Variants in AGMO observed in about 807,000 individuals in gnomAD.
AGMO encodes glyceryl-ether monooxygenase.
AGMO carries 75 observed loss-of-function variants against 60.2 expected under a neutral mutation model. The observed-to-expected ratio is 1.25, with a 90% CI of 1.03 to 1.51. AGMO has a LOEUF of 1.51. Among genes scored for constraint, AGMO ranks in the 40% most tolerant of loss-of-function variants. AGMO has a pLI of 0.00. For synonymous variants in AGMO, 261 were observed against 177.1 expected, an observed-to-expected ratio of 1.47 and a Z score of -3.76; for missense variants, 763 against 525.5, an observed-to-expected ratio of 1.45 and a Z score of -4.42.
chr7:15,551,988 C>T lies in AGMO; in HGVS notation c.258-7065G>A, dbSNP rs542059848. Among the ~76,000 whole-genome samples, 35 of 151,944 alleles carry T rather than the reference C, an allele frequency of 2.3e-4. No homozygotes were observed. In the East Asian group the frequency reaches 6.8e-3, roughly 29 times the overall value. On this transcript the variant is annotated intron_variant, in intron 2 of 12. Transcript: ENST00000342526. Reference sequence around the variant, plus strand: ...AAAACAGAGATATAGATCAATGGAACAGAACAGAGCCCTCAGAAATAATGC... The same window carrying T: ...AAAACAGAGATATAGATCAATGGAATAGAACAGAGCCCTCAGAAATAATGC...
intron 12 of AGMO, among the ~76,000 whole-genome samples, chr7:15,287,666 G>C (rs1784137108): frequency 6.6e-6 from 1 of 152,092 alleles, no homozygotes; most frequent in Non-Finnish European, 1.5e-5. Flanking sequence ...TTGTCAATAT[G>C]TACATATTTA....
chr7:15,379,133 A>T (rs769204386), intron 10 of AGMO, among the ~76,000 whole-genome samples: 1 of 152,102 alleles, frequency 6.6e-6, no homozygotes, highest in Non-Finnish European at 1.5e-5. Flanking sequence ...GTTAAGAGAG[A>T]AATTTATAGC....
At chr7:15,532,212 T>A (rs886523303) in intron 3 of AGMO, among the ~76,000 whole-genome samples, 1 of 152,180 alleles carries the variant, frequency 6.6e-6, no homozygotes, top group Non-Finnish European at 1.5e-5. Context: ...AAATAGTTGG[T>A]GATTTATATA....
At chr7:15,274,725 C>T (rs62450280) in intron 12 of AGMO, among the ~76,000 whole-genome samples, 10,071 of 149,716 alleles carry the variant, frequency 0.067, 511 homozygotes, top group South Asian at 0.19. Flanking sequence ...TTTTTCATTA[C>T]TGATTCAGTT....
intron 5 of AGMO, among the ~76,000 whole-genome samples, chr7:15,409,460 G>C (rs1225709042): frequency 1.8e-4 from 27 of 151,886 alleles, no homozygotes; most frequent in Non-Finnish European, 4.4e-5. Flanking sequence ...ATAAATCATA[G>C]AATATCAACG....
intron 3 of AGMO, among the ~76,000 whole-genome samples, chr7:15,497,732 T>C (rs994697954): frequency 1.3e-5 from 2 of 152,078 alleles, no homozygotes; most frequent in South Asian, 4.1e-4. Flanking sequence ...TTAATGACTA[T>C]ATATTTCCTC....
chr7:15,504,663 G>C (rs570033969), intron 3 of AGMO, among the ~76,000 whole-genome samples: 3 of 151,434 alleles, frequency 2.0e-5, no homozygotes, highest in Non-Finnish European at 4.4e-5. Context: ...AAGTGTTTCC[G>C]TAAGTTTTAA....
intron 12 of AGMO, among the ~76,000 whole-genome samples, chr7:15,341,891 C>G (rs538833000): frequency 6.6e-6 from 1 of 152,002 alleles, no homozygotes; most frequent in East Asian, 1.9e-4. Flanking sequence ...GAGACATATT[C>G]ACTATCATGA....
intron 12 of AGMO, among the ~76,000 whole-genome samples, chr7:15,207,769 C>G: frequency 6.6e-6 from 1 of 152,018 alleles, no homozygotes; most frequent in East Asian, 1.9e-4. Context: ...CACGTCTCTG[C>G]TAAAAATACA....
chr7:15,162,964 C>G, the AGMO span, among the ~76,000 whole-genome samples: 20 of 152,084 alleles, frequency 1.3e-4, no homozygotes, highest in African/African-American at 4.3e-4. Flanking sequence ...GGGATGTTTT[C>G]CCATTTATTT....
At chr7:15,192,205 T>G in the AGMO span, among the ~76,000 whole-genome samples, 2 of 151,622 alleles carry the variant, frequency 1.3e-5, no homozygotes, top group African/African-American at 4.8e-5. Flanking sequence ...AAATGAGAAG[T>G]TATCCCTGTT....
intron 12 of AGMO, among the ~76,000 whole-genome samples, chr7:15,266,719 A>C (rs1783443330): frequency 6.6e-6 from 1 of 151,544 alleles, no homozygotes; most frequent in Non-Finnish European, 1.5e-5. Flanking sequence ...ACTGATATAA[A>C]CATTACAAAT....
intron 12 of AGMO, among the ~76,000 whole-genome samples, chr7:15,277,522 T>C (rs1045220644): frequency 6.1e-5 from 9 of 146,394 alleles, no homozygotes; most frequent in Non-Finnish European, 1.4e-4. Flanking sequence ...TTTGTTTTCA[T>C]TTGGATTGGA....
At chr7:15,419,350 A>G (rs938985674) in intron 4 of AGMO, among the ~76,000 whole-genome samples, 6 of 152,002 alleles carry the variant, frequency 3.9e-5, no homozygotes, top group African/African-American at 1.4e-4. Flanking sequence ...TGTTCTGCTA[A>G]TGACTTTGAT....
intron 12 of AGMO, among the ~76,000 whole-genome samples, chr7:15,312,147 A>T (rs1413149850): frequency 1.3e-5 from 2 of 151,894 alleles, no homozygotes; most frequent in Non-Finnish European, 2.9e-5. Context: ...AAGTCTAACA[A>T]ACATGTAATT....
the AGMO span, among the ~76,000 whole-genome samples, chr7:15,155,401 A>T: frequency 1.2e-3 from 165 of 133,936 alleles, 3 homozygotes; most frequent in Non-Finnish European, 2.1e-3. Context: ...TAATGCTTCC[A>T]ATTGCATTAC....
Position 15,418,546 on chromosome 7 carries a change from A to G in AGMO, c.609+12T>C, listed in dbSNP as rs1348541289. ...TAGGTATAAAACTTACAAAGATAAAAAAAAGTTTTACCTCTGTATGGATCC... is the reference window on the plus strand; with the variant it reads ...TAGGTATAAAACTTACAAAGATAAAGAAAAGTTTTACCTCTGTATGGATCC... On this transcript the variant is annotated intron_variant, in intron 5 of 12. Transcript: ENST00000342526. 1 of 1,539,012 alleles carries G rather than the reference A, an allele frequency of 6.5e-7. No homozygotes were observed. Among genetic ancestry groups the G allele is most frequent in the Non-Finnish European group, 8.9e-7 (1 of 1,123,916 alleles).
chr7:15,270,858 TAC>T (rs1204317132), intron 12 of AGMO, among the ~76,000 whole-genome samples: 1 of 151,826 alleles, frequency 6.6e-6, no homozygotes, highest in African/African-American at 2.4e-5. Flanking sequence ...GAAACAGTGG[TAC>T]AGTTTCATTC....
chr7:15,123,847 A>T, the AGMO span, among the ~76,000 whole-genome samples: 2 of 152,258 alleles, frequency 1.3e-5, no homozygotes, highest in Admixed American at 6.5e-5. Flanking sequence ...ATAAAAACTG[A>T]CATGAGCAGC....
Sources: allele counts gnomAD v4.1 joint callset (sites outside exome capture counted in the v4.1 genomes callset), GRCh38; gene constraint gnomAD v4.1.1; transcripts MANE v1.5; gene names NCBI Gene and HGNC (gene_info 2026-07-23, HGNC 2026-07-21).